ZNF385D: variants seen among roughly 807,000 people sequenced by gnomAD.
ZNF385D encodes the protein zinc finger protein 385D, also known as zinc finger protein 659.
A neutral mutation model predicts 35.8 loss-of-function variants in ZNF385D; 15 were observed. The ratio of observed to expected loss-of-function variants is 0.42; its 90% CI spans 0.28 to 0.64. ZNF385D has a LOEUF of 0.64. Ranked by LOEUF, ZNF385D falls within the 30% of genes least tolerant of loss-of-function variation. The probability of loss-of-function intolerance (pLI) is 0.23; values close to 1 mark genes in which losing one functional copy is unlikely to be tolerated. For synonymous variants in ZNF385D, 212 were observed against 186.8 expected, an observed-to-expected ratio of 1.13 and a Z score of -1.10; for missense variants, 474 against 494.6, an observed-to-expected ratio of 0.96 and a Z score of 0.39.
chr3:21,760,749 T>C (rs1010395577), intron 3 of ZNF385D, among the ~76,000 whole-genome samples: 10 of 152,148 alleles, frequency 6.6e-5, no homozygotes, highest in Non-Finnish European at 4.4e-5. Flanking sequence ...CACTGACTAC[T>C]AGAAAGCAGC....
chr3:21,500,858 C>T (rs994582259), intron 4 of ZNF385D, among the ~76,000 whole-genome samples: 1 of 152,122 alleles, frequency 6.6e-6, no homozygotes, highest in Admixed American at 6.5e-5. Flanking sequence ...TGGAAAGCCC[C>T]AGCTTAGAGC....
At chr3:21,813,590 G>A (rs920340063) in intron 3 of ZNF385D, among the ~76,000 whole-genome samples, 2 of 152,254 alleles carry the variant, frequency 1.3e-5, no homozygotes, top group Admixed American at 6.5e-5. Flanking sequence ...TCAAGTGGAA[G>A]AAAGGGTATC....
At chr3:21,435,505 A>AC (rs1333196004) in intron 5 of ZNF385D, among the ~76,000 whole-genome samples, 4 of 151,840 alleles carry the variant, frequency 2.6e-5, no homozygotes, top group Non-Finnish European at 5.9e-5. Flanking sequence ...GTCTCAAATG[A>AC]TTCTCCTACC....
chr3:21,719,471 T>C (rs2068450550), intron 1 of ZNF385D, among the ~76,000 whole-genome samples: 1 of 152,196 alleles, frequency 6.6e-6, no homozygotes, highest in Admixed American at 6.5e-5. Flanking sequence ...CAGTAGGGAA[T>C]TTCCTCTGGA....
At chr3:21,699,742 T>C (rs1272333632) in intron 1 of ZNF385D, among the ~76,000 whole-genome samples, 1 of 151,760 alleles carries the variant, frequency 6.6e-6, no homozygotes, top group Admixed American at 6.6e-5. Flanking sequence ...TTCCTTGTTT[T>C]GCTTATTTCA....
chr3:22,167,360 C>T (rs941066665), intron 3 of ZNF385D, among the ~76,000 whole-genome samples: 1 of 152,194 alleles, frequency 6.6e-6, no homozygotes, highest in African/African-American at 2.4e-5. Context: ...CATAAAAGCC[C>T]TAGACTCAGC....
intron 3 of ZNF385D, among the ~76,000 whole-genome samples, chr3:22,137,552 C>T (rs768307738): frequency 2.2e-4 from 34 of 152,136 alleles, no homozygotes; most frequent in Non-Finnish European, 3.5e-4. Flanking sequence ...AGCATATAAA[C>T]AGAACCAAAG....
intron 3 of ZNF385D, among the ~76,000 whole-genome samples, chr3:21,858,601 C>T (rs1696867249): frequency 1.3e-5 from 2 of 151,950 alleles, no homozygotes; most frequent in African/African-American, 2.4e-5. Context: ...AATAGTCTCT[C>T]AGGAGACACT....
intron 3 of ZNF385D, among the ~76,000 whole-genome samples, chr3:22,099,942 T>C (rs1701840489): frequency 1.3e-5 from 2 of 152,060 alleles, no homozygotes; most frequent in South Asian, 4.1e-4. Flanking sequence ...GTGTCAGTTC[T>C]TGAGATATTT....
At chr3:21,774,605 G>A (rs2071211665) in intron 3 of ZNF385D, among the ~76,000 whole-genome samples, 1 of 151,732 alleles carries the variant, frequency 6.6e-6, no homozygotes. Flanking sequence ...AAATGTTCAG[G>A]AAAAATATTA....
chr3:21,647,065 G>A (rs535696802), intron 2 of ZNF385D, among the ~76,000 whole-genome samples: 1 of 152,244 alleles, frequency 6.6e-6, no homozygotes, highest in Non-Finnish European at 1.5e-5. Context: ...GACAGATTTA[G>A]GATTTTTAAT....
At chr3:22,027,389 C>A (rs1697626680) in intron 3 of ZNF385D, among the ~76,000 whole-genome samples, 1 of 152,208 alleles carries the variant, frequency 6.6e-6, no homozygotes, top group East Asian at 1.9e-4. Flanking sequence ...GCCATATGAT[C>A]CAGCAGATCC....
intron 4 of ZNF385D, among the ~76,000 whole-genome samples, chr3:21,455,384 A>G (rs1702734438): frequency 6.6e-6 from 1 of 152,242 alleles, no homozygotes; most frequent in East Asian, 1.9e-4. Context: ...GTACCAAAAC[A>G]GAGACATAGA....
At chr3:21,938,272 T>C (rs1489180774) in intron 3 of ZNF385D, among the ~76,000 whole-genome samples, 2 of 152,148 alleles carry the variant, frequency 1.3e-5, no homozygotes, top group South Asian at 4.1e-4. Flanking sequence ...AGAAGAACGT[T>C]TTTGTGACTG....
intron 2 of ZNF385D, among the ~76,000 whole-genome samples, chr3:21,608,023 G>GTTTTTTTTTGTTTTTTTTTGTTTTTTTTT (rs1553622610): frequency 8.3e-6 from 1 of 120,220 alleles, no homozygotes; most frequent in African/African-American, 3.2e-5. Flanking sequence ...TTTTTTTTTT[G>GTTTTTTTTTGTTTTTTTTTGTTTTTTTTT]TTTTTTTTTT....
At chr3:21,896,008 A>G (rs259497) in intron 3 of ZNF385D, among the ~76,000 whole-genome samples, 19,827 of 152,184 alleles carry the variant, frequency 0.13, 1,597 homozygotes, top group Middle Eastern at 0.17. Context: ...TTTTAATTAG[A>G]GAAATAGTTA....
At chr3:22,322,867 T>C (rs1209408424) in intron 2 of ZNF385D, among the ~76,000 whole-genome samples, 1 of 152,224 alleles carries the variant, frequency 6.6e-6, no homozygotes, top group African/African-American at 2.4e-5. Flanking sequence ...GTACTTTTTA[T>C]CATTTTTAAT....
Position 22,124,380 on chromosome 3 carries a change from C to T in ZNF385D, c.325+44437G>A, listed in dbSNP as rs187317487. ...TTCATAGCTATTATAAATACTGCTG[C>T]AAAAATCATGGGAGTGCAGATATCT... On this transcript the variant is annotated intron_variant, in intron 3 of 5. Coordinates refer to the ZNF385D transcript ENST00000494108. Among the ~76,000 whole-genome samples, 441 of 152,232 alleles carry T rather than the reference C, an allele frequency of 2.9e-3. 3 individuals carry two copies. Among genetic ancestry groups the T allele is most frequent in the Admixed American group, 6.2e-3 (95 of 15,288 alleles).
In ZNF385D at chr3:21,569,658, C is replaced by T. The variant is rs557186866; in HGVS notation, c.166-4974G>A. Among the ~76,000 whole-genome samples the T allele has an allele frequency of 2.6e-4, 40 of 151,264 alleles. 1 individual carries two copies. Among genetic ancestry groups the T allele is most frequent in the South Asian group, 1.3e-3 (6 of 4,786 alleles). ...AGTTGATGCAGTTTCTTCCTCGTCTCGATGGTCTTTACATTTTGGCATGAT... is the reference window on the plus strand; with the variant it reads ...AGTTGATGCAGTTTCTTCCTCGTCTTGATGGTCTTTACATTTTGGCATGAT... On this transcript the variant is annotated intron_variant, in intron 2 of 7. Transcript: ENST00000281523.
Sources: allele counts gnomAD v4.1 joint callset (sites outside exome capture counted in the v4.1 genomes callset), GRCh38; gene constraint gnomAD v4.1.1; transcripts MANE v1.5; gene names NCBI Gene and HGNC (gene_info 2026-07-23, HGNC 2026-07-21).